LPXN: variants seen among roughly 807,000 people sequenced by gnomAD.
LPXN encodes the protein leupaxin.
A neutral mutation model predicts 45.6 loss-of-function variants in LPXN; 28 were observed. That is an observed-to-expected ratio of 0.61 (90% CI 0.45 to 0.84). LPXN has a LOEUF of 0.84. Ranked by LOEUF, LPXN falls within the 40% of genes least tolerant of loss-of-function variation. The probability of loss-of-function intolerance (pLI) is 0.00; values close to 1 mark genes in which losing one functional copy is unlikely to be tolerated. For synonymous variants in LPXN, 166 were observed against 169.9 expected, an observed-to-expected ratio of 0.98 and a Z score of 0.18; for missense variants, 459 against 475.0, an observed-to-expected ratio of 0.97 and a Z score of 0.31.
chr11:58,527,723 C>T lies in LPXN; in HGVS notation c.892G>A (p.Asp298Asn). 1 of 1,613,212 alleles carries T rather than the reference C, an allele frequency of 6.2e-7. No individual in the cohort carries two copies. Among genetic ancestry groups the T allele is most frequent in the Middle Eastern group, 1.7e-4 (1 of 6,060 alleles). The change falls in exon 9 of 9, where the codon GAC becomes AAC. Residue 298 changes from aspartate to asparagine, a missense_variant and splice_region_variant. By Grantham distance (23) the Asp-to-Asn change is conservative. Transcript: ENST00000395074. ...CCAGTAGAAAAACTGGTGAAGCAGT[C>T]CTGGGGTAGAGAGAAGAGAGAGAAA... ...VWHPECFVCG[D>N]CFTSFSTGSF...
rs780791319 is a variant in LPXN at position 58,551,019 on chromosome 11, A to G, written c.486+46T>C. 28 of 1,490,886 alleles carry G rather than the reference A, an allele frequency of 1.9e-5. No homozygotes were observed. The South Asian group carries it at 3.9e-4, about 21-fold the overall frequency. The allele number at this position is 1,490,886 out of a possible 1,614,324, so 92.4% of individuals were successfully genotyped here. On this transcript the variant is annotated intron_variant, in intron 5 of 8. Coordinates refer to ENST00000395074, the MANE Select transcript of LPXN (RefSeq NM_004811.3). ...GAAAGAGCAAACCTTGATGAGACAG[A>G]GAGAGACAAAGAAGGCTGTAGGACC...
chr11:58,575,665 T>C, intron 1 of LPXN, 95 bp downstream of exon 1: 1 of 1,347,448 alleles, frequency 7.4e-7, no homozygotes, highest in Non-Finnish European at 1.1e-6. Flanking sequence ...CTTCCATTAC[T>C]ACCCTCAGTC....
intron 7 of LPXN, among the ~76,000 whole-genome samples, chr11:58,542,423 G>A (rs1338217228): frequency 1.3e-5 from 2 of 151,600 alleles, no homozygotes; most frequent in Non-Finnish European, 2.9e-5. Flanking sequence ...TTCTTTTGGA[G>A]AGTCACTTGA....
At chr11:58,571,984 G>A (rs1227908767) in intron 1 of LPXN, among the ~76,000 whole-genome samples, 1 of 152,146 alleles carries the variant, frequency 6.6e-6, no homozygotes, top group Non-Finnish European at 1.5e-5. Context: ...GTTACCTTGA[G>A]CATGTCACAT....
chr11:58,541,568 A>C (rs1374697512), intron 7 of LPXN, among the ~76,000 whole-genome samples: 1 of 149,982 alleles, frequency 6.7e-6, no homozygotes, highest in Non-Finnish European at 1.5e-5. Flanking sequence ...GTGGAGAAAT[A>C]GGAACACTTT....
chr11:58,577,006 G>A (rs1854911418), upstream of LPXN, among the ~76,000 whole-genome samples: 1 of 152,032 alleles, frequency 6.6e-6, no homozygotes, highest in South Asian at 2.1e-4. Flanking sequence ...TGCCCAGGCT[G>A]GTCTGGAAGT....
upstream of LPXN, chr11:58,578,156 T>A (rs1476344536): frequency 4.1e-5 from 57 of 1,404,514 alleles, no homozygotes; most frequent in South Asian, 5.6e-4. Flanking sequence ...AGATAAAAAG[T>A]AAGAAAAAGT....
rs777350309 is a variant in LPXN, at chr11:58,575,825, C to T, written c.-53G>A. On this transcript the variant is annotated 5_prime_UTR_variant, in exon 1 of 9. It removes an upstream start codon present in the reference 5' UTR. Transcript: ENST00000395074. ...CACAGGCCGTGAGGAACAGCTTTGG[C>T]ATGTGCTGAAGAAGAGGACCGCAAA... is the stretch of plus-strand genomic sequence containing the variant. 7.4e-6 allele frequency: 12 copies of T among 1,614,134 alleles called. No homozygotes were observed. Among genetic ancestry groups the T allele is most frequent in the Non-Finnish European group, 1.0e-5 (12 of 1,179,970 alleles).
chr11:58,570,739 A>T (rs1590588716), intron 1 of LPXN, 26 bp from the exon 2 acceptor site: 2 of 1,565,938 alleles, frequency 1.3e-6, no homozygotes, highest in Non-Finnish European at 1.7e-6. Flanking sequence ...CAAGAGAATC[A>T]TGACAGAGAA....
At chr11:58,531,524 A>C (rs1853385731) in intron 7 of LPXN, among the ~76,000 whole-genome samples, 1 of 152,090 alleles carries the variant, frequency 6.6e-6, no homozygotes, top group Admixed American at 6.6e-5. Flanking sequence ...AATGAAAAGG[A>C]ATGAATAAAG....
At chr11:58,578,243 C>T, upstream of LPXN, 1 of 610,668 alleles carries the variant, frequency 1.6e-6, no homozygotes, top group South Asian at 2.1e-5. Context: ...GCGACCTAAC[C>T]CGGAAACACT....
chr11:58,575,474 A>G (rs1854855646), intron 1 of LPXN, among the ~76,000 whole-genome samples: 1 of 152,198 alleles, frequency 6.6e-6, no homozygotes, highest in Non-Finnish European at 1.5e-5. Context: ...ATAACAAGAC[A>G]ACAACTGCAG....
chr11:58,573,486 T>TA (rs1383058328), intron 1 of LPXN, among the ~76,000 whole-genome samples: 1 of 152,012 alleles, frequency 6.6e-6, no homozygotes, highest in East Asian at 1.9e-4. Flanking sequence ...CCATTTACAA[T>TA]AAAGATTATA....
chr11:58,574,050 G>A (rs957522830), intron 1 of LPXN, among the ~76,000 whole-genome samples: 2 of 97,472 alleles, frequency 2.1e-5, no homozygotes, highest in African/African-American at 8.7e-5. Context: ...CTGCCAGCAG[G>A]AAGAAAGATC....
At chr11:58,534,904 A>C (rs995406424) in intron 7 of LPXN, among the ~76,000 whole-genome samples, 1 of 152,232 alleles carries the variant, frequency 6.6e-6, no homozygotes, top group Non-Finnish European at 1.5e-5. Context: ...CTATACAAAT[A>C]AACTAGAAAA....
intron 7 of LPXN, among the ~76,000 whole-genome samples, chr11:58,542,237 A>G (rs545602618): frequency 1.3e-5 from 2 of 151,498 alleles, no homozygotes; most frequent in African/African-American, 4.8e-5. Flanking sequence ...GTTGGACATT[A>G]TAAGTCAGGA....
upstream of LPXN, among the ~76,000 whole-genome samples, chr11:58,578,857 C>T (rs1244460386): frequency 6.6e-6 from 1 of 151,108 alleles, no homozygotes; most frequent in African/African-American, 2.4e-5. Context: ...GGAAAAAGGT[C>T]ACTTTGGGAT....
At chr11:58,575,924 CTTTTGATTTGGTGA>C, upstream of LPXN, 1 of 1,450,638 alleles carries the variant, frequency 6.9e-7, no homozygotes, top group Non-Finnish European at 9.1e-7. Flanking sequence ...CACTTCCTCT[CTTTTGATTTGGTGA>C]GCTTTTTTTT....
chr11:58,578,532 T>C (rs1263778394), upstream of LPXN, among the ~76,000 whole-genome samples: 1 of 152,200 alleles, frequency 6.6e-6, no homozygotes, highest in Non-Finnish European at 1.5e-5. Context: ...GGGGCTTTTT[T>C]TCTTAAAGGA....
Sources: allele counts gnomAD v4.1 joint callset (sites outside exome capture counted in the v4.1 genomes callset), GRCh38; gene constraint gnomAD v4.1.1; transcripts MANE v1.5; gene names NCBI Gene and HGNC (gene_info 2026-07-23, HGNC 2026-07-21).